The following ICE2 variants were observed in gnomAD, a reference collection of about 807,000 sequenced individuals.
ICE2 encodes the protein little elongation complex subunit 2.
ICE2 carries 87 observed loss-of-function variants against 105.4 expected under a neutral mutation model. That is an observed-to-expected ratio of 0.83 (90% CI 0.69 to 0.99). The LOEUF (loss-of-function observed/expected upper bound fraction) is 0.99, where lower values mean the gene tolerates loss of function less well. ICE2 is among the 50% of genes least tolerant of loss of function. The pLI, the probability that ICE2 is intolerant of heterozygous loss-of-function variation, is 0.00. For synonymous variants in ICE2, 399 were observed against 392.0 expected, an observed-to-expected ratio of 1.02 and a Z score of -0.21; for missense variants, 1,323 against 1,146.7, an observed-to-expected ratio of 1.15 and a Z score of -2.22.
intron 1 of ICE2, chr15:60,478,647 T>C: frequency 3.0e-6 from 1 of 332,916 alleles, no homozygotes; most frequent in South Asian, 2.2e-5. Flanking sequence ...ACTGATAAAG[T>C]GACCTGCGAG....
chr15:60,468,733 C>T (rs928116913), intron 3 of ICE2, among the ~76,000 whole-genome samples: 2 of 152,100 alleles, frequency 1.3e-5, no homozygotes, highest in Admixed American at 1.3e-4. Context: ...CTACTAAGAA[C>T]AGAATGTAAA....
intron 13 of ICE2, among the ~76,000 whole-genome samples, chr15:60,432,645 C>A (rs1352977327): frequency 1.3e-5 from 2 of 151,798 alleles, no homozygotes; most frequent in Non-Finnish European, 2.9e-5. Context: ...GTAATCCCAG[C>A]ACTCTGGGAG....
intron 5 of ICE2, among the ~76,000 whole-genome samples, chr15:60,463,718 T>C (rs968907705): frequency 6.6e-6 from 1 of 152,142 alleles, no homozygotes; most frequent in African/African-American, 2.4e-5. Flanking sequence ...TGCAGTGGGC[T>C]GAGATCGTGC....
chr15:60,453,203 G>C (rs2064007069), intron 9 of ICE2: 1 of 994,778 alleles, frequency 1.0e-6, no homozygotes, highest in Non-Finnish European at 1.2e-6. Context: ...CTGCACTCCA[G>C]CCTGGGTGGC....
At chr15:60,442,085 A>G (rs1223693080) in intron 12 of ICE2, 1 of 177,950 alleles carries the variant, frequency 5.6e-6, no homozygotes, top group Non-Finnish European at 1.2e-5. Context: ...GCTTGAGGCT[A>G]GAAGTTCAAG....
chr15:60,461,351 T>G (rs539962937), intron 5 of ICE2, among the ~76,000 whole-genome samples: 2 of 152,148 alleles, frequency 1.3e-5, no homozygotes, highest in Admixed American at 1.3e-4. Context: ...CTTTACGGCT[T>G]AATAAAAATA....
chr15:60,448,749 T>C (rs369552866), intron 10 of ICE2, 99 bp downstream of exon 10: 1 of 1,037,022 alleles, frequency 9.6e-7, no homozygotes, highest in African/African-American at 1.6e-5. Flanking sequence ...TATATGACAA[T>C]TACAAAACAG....
Position 60,434,244 on chromosome 15 carries a change from C to T in ICE2, c.2510+1899G>A, listed in dbSNP as rs116628639. On this transcript the variant is annotated intron_variant, in intron 13 of 15. Coordinates refer to ENST00000261520, the MANE Select transcript of ICE2 (RefSeq NM_024611.6). The stretch of plus-strand genomic sequence containing the variant: ...ATTTAGACATTTAGAGTTCTGAGTA[C>T]GATAAATTCATTTCAGTCACGTGTA... 6.7e-3 allele frequency among the ~76,000 whole-genome samples: 1,017 copies of T among 152,088 alleles called. 8 individuals are homozygous for T. Among genetic ancestry groups the T allele is most frequent in the African/African-American group, 0.024 (983 of 41,472 alleles).
intron 12 of ICE2, chr15:60,439,356 T>A (rs558055619): frequency 2.6e-5 from 4 of 152,424 alleles, no homozygotes; most frequent in African/African-American, 9.6e-5. Context: ...CAATTTGTCA[T>A]AGGAAGGATG....
intron 5 of ICE2, 116 bp from the exon 6 acceptor site, chr15:60,456,910 T>C (rs970865724): frequency 8.3e-5 from 40 of 480,764 alleles, no homozygotes; most frequent in Non-Finnish European, 1.3e-4. Flanking sequence ...CCGATTTCAT[T>C]AATCAAGCTA....
Position 60,442,422 on chromosome 15 carries a change from A to G in ICE2, c.2419T>C (p.Tyr807His). ...ESLLHSNSSF[Y>H]VGHIDAFTSK... ...AGACTTTTGTATAACTTACCAACAT[A>G]AAATGAGCTGTTGGAATGCAATAAA... Residue 807 changes from tyrosine to histidine, a missense_variant, in exon 12 of 16, where the codon TAT becomes CAT. By Grantham distance (83) the Tyr-to-His change is moderately conservative. Coordinates refer to ENST00000261520, the MANE Select transcript of ICE2 (RefSeq NM_024611.6). The G allele has an allele frequency of 6.3e-7, 1 of 1,581,760 alleles. No individual in the cohort carries two copies. Among genetic ancestry groups the G allele is most frequent in the Non-Finnish European group, 8.5e-7 (1 of 1,173,048 alleles).
At chr15:60,432,009 A>G (rs1335844755) in intron 13 of ICE2, 25 bp from the exon 14 acceptor site, 2 of 1,316,348 alleles carry the variant, frequency 1.5e-6, no homozygotes, top group African/African-American at 1.4e-5. Context: ...AAATTCATGT[A>G]AAATTAAACT....
At chr15:60,424,710 T>C (rs888683373) in intron 15 of ICE2, among the ~76,000 whole-genome samples, 7 of 152,206 alleles carry the variant, frequency 4.6e-5, no homozygotes, top group South Asian at 2.1e-4. Flanking sequence ...GGTTTCACCA[T>C]GTTTAGGCTG....
At chr15:60,437,342 C>CT (rs987236956) in intron 12 of ICE2, among the ~76,000 whole-genome samples, 18 of 149,894 alleles carry the variant, frequency 1.2e-4, no homozygotes, top group Middle Eastern at 6.8e-3. Flanking sequence ...CCAAGTTTTA[C>CT]TTTTTTTTTG....
rs1164862407 is a variant in ICE2 at position 60,423,701 on chromosome 15, C to T, written c.2882G>A (p.Ser961Asn). The T allele has an allele frequency of 6.2e-7, 1 of 1,603,236 alleles. No individual in the cohort carries two copies. The highest frequency in any genetic ancestry group is 1.1e-5 in the South Asian group (1 of 88,730). The change falls in exon 16 of 16, where the codon AGC becomes AAC. Residue 961 changes from serine to asparagine, a missense_variant. By Grantham distance (46) the Ser-to-Asn change is conservative. Transcript: ENST00000261520. ...HRNPVSMETK[S>N]SCLPAQQVET... ...AACTTGCTGAGCAGGCAAGCAACTG[C>T]TTTTGGTTTCCATGGAAACTGGATT...
In ICE2 at chr15:60,447,972, T is replaced by C; in HGVS notation, c.2293A>G (p.Arg765Gly). The change falls in exon 11 of 16, where the codon AGA becomes GGA. Residue 765 changes from arginine (R) to glycine (G), a missense_variant and splice_region_variant. Physicochemically the swap from Arg to Gly is moderately radical, Grantham distance 125 (BLOSUM62 -2). Coordinates refer to ENST00000261520, the MANE Select transcript of ICE2 (RefSeq NM_024611.6). ...PRSKKRKKIRRQFPVYVLPKV... is the reference protein window; with the variant it reads ...PRSKKRKKIRGQFPVYVLPKV... ...TAACTCCGCAAATAACAACTTACTC[T>C]TCTGATTTTCTTCCGTTTTTTAGAA... 9 of 1,608,080 alleles carry C rather than the reference T, an allele frequency of 5.6e-6. No individual in the cohort carries two copies. Among genetic ancestry groups the C allele is most frequent in the Non-Finnish European group, 7.6e-6 (9 of 1,177,778 alleles).
At chr15:60,471,680 C>G (rs1280364248) in intron 3 of ICE2, among the ~76,000 whole-genome samples, 1 of 152,042 alleles carries the variant, frequency 6.6e-6, no homozygotes, top group Non-Finnish European at 1.5e-5. Context: ...GACAGGGTTT[C>G]TCTATTCACG....
At chr15:60,461,172 T>A (rs945592339) in intron 5 of ICE2, among the ~76,000 whole-genome samples, 2 of 152,132 alleles carry the variant, frequency 1.3e-5, no homozygotes, top group African/African-American at 4.8e-5. Context: ...GATAGGCAAA[T>A]ATTTCTATGC....
Position 60,477,936 on chromosome 15 carries a change from C to T in ICE2, c.41+1G>A. The T allele has an allele frequency of 1.2e-6, 2 of 1,613,824 alleles. No individual in the cohort carries two copies. Among genetic ancestry groups the T allele is most frequent in the East Asian group, 2.2e-5 (1 of 44,882 alleles). On this transcript the variant is annotated splice_donor_variant, in intron 2 of 15. Coordinates refer to ENST00000261520, the MANE Select transcript of ICE2 (RefSeq NM_024611.6). LOFTEE classifies it high-confidence loss of function. ...TGGATTACAAAGTGGCTACAACTCA[C>T]CAATTCAGTCCTGGTTCACTTATGA...
Sources: gnomAD v4.1 joint callset for allele counts (sites outside exome capture counted in the v4.1 genomes callset) on GRCh38, gnomAD v4.1.1 for gene constraint, MANE v1.5 for transcripts, NCBI Gene and HGNC (gene_info 2026-07-23, HGNC 2026-07-21) for gene names.